Variants in POU6F2 observed in about 807,000 individuals in gnomAD.
POU6F2 encodes the protein POU domain, class 6, transcription factor 2.
POU6F2 carries 31 observed loss-of-function variants against 71.3 expected under a neutral mutation model. The observed-to-expected ratio is 0.43, with a 90% confidence interval of 0.33 to 0.59. The LOEUF is 0.59. Ranked by LOEUF, POU6F2 falls within the 20% of genes least tolerant of loss-of-function variation. The pLI is 0.04. For missense variants in POU6F2, 783 were observed against 856.8 expected, an observed-to-expected ratio of 0.91 and a Z score of 1.07; for synonymous variants, 347 against 355.7, an observed-to-expected ratio of 0.98 and a Z score of 0.27.
intron 4 of POU6F2, among the ~76,000 whole-genome samples, chr7:39,240,680 A>G (rs956401140): frequency 6.6e-6 from 1 of 152,172 alleles, no homozygotes; most frequent in Non-Finnish European, 1.5e-5. Context: ...CAAAGTAGGT[A>G]CTAAAAAAGT....
chr7:38,989,467 T>A (rs1253413955), intron 1 of POU6F2, among the ~76,000 whole-genome samples: 1 of 152,030 alleles, frequency 6.6e-6, no homozygotes, highest in Non-Finnish European at 1.5e-5. Flanking sequence ...ATAAGTGACA[T>A]AATAGAATAG....
chr7:39,101,843 G>A (rs138524960), intron 2 of POU6F2, among the ~76,000 whole-genome samples: 11 of 152,030 alleles, frequency 7.2e-5, no homozygotes, highest in Admixed American at 5.2e-4. Context: ...AAATATATAT[G>A]GTTATTATTA....
At chr7:39,458,471 G>A (rs532581895) in intron 8 of POU6F2, among the ~76,000 whole-genome samples, 4 of 151,968 alleles carry the variant, frequency 2.6e-5, no homozygotes, top group African/African-American at 7.2e-5. Flanking sequence ...TTTCTTTCAC[G>A]GGGAAAGGAA....
intron 8 of POU6F2, among the ~76,000 whole-genome samples, chr7:39,454,836 T>C (rs1355715634): frequency 6.7e-6 from 1 of 150,352 alleles, no homozygotes; most frequent in East Asian, 2.0e-4. Flanking sequence ...CATCCTAGTG[T>C]TGGCTAACCT....
intron 2 of POU6F2, 97 bp downstream of exon 2, chr7:39,086,128 G>C: frequency 2.5e-6 from 3 of 1,222,874 alleles, no homozygotes; most frequent in Non-Finnish European, 3.2e-6. Flanking sequence ...TGTTCATTCA[G>C]TTTTCCCGTA....
chr7:39,269,776 G>T (rs530196907), intron 4 of POU6F2, among the ~76,000 whole-genome samples: 254 of 152,224 alleles, frequency 1.7e-3, no homozygotes, highest in African/African-American at 5.8e-3. Flanking sequence ...CCTCTTTTGT[G>T]TATTGCTTGC....
intron 1 of POU6F2, among the ~76,000 whole-genome samples, chr7:39,050,821 G>A (rs1386763064): frequency 1.3e-5 from 2 of 152,108 alleles, no homozygotes; most frequent in African/African-American, 4.8e-5. Flanking sequence ...AAATGCCATG[G>A]ATTTCCACAG....
At chr7:39,280,955 G>T (rs1045290355) in intron 4 of POU6F2, among the ~76,000 whole-genome samples, 4 of 152,154 alleles carry the variant, frequency 2.6e-5, no homozygotes, top group Non-Finnish European at 1.5e-5. Context: ...GAGCACCCTC[G>T]TGCAAAATCT....
At chr7:39,138,765 C>T (rs1376450489) in intron 2 of POU6F2, among the ~76,000 whole-genome samples, 2 of 152,136 alleles carry the variant, frequency 1.3e-5, no homozygotes, top group Non-Finnish European at 2.9e-5. Flanking sequence ...CCCAAACCAC[C>T]CCTGCCCCCC....
rs1791231746 is a variant in POU6F2 at position 39,085,885 on chromosome 7, G to A, written c.131G>A (p.Ser44Asn). The A allele has an allele frequency of 3.7e-6, 6 of 1,613,446 alleles. No individual in the cohort carries two copies. The South Asian group carries it at 5.5e-5, about 15-fold the overall frequency. ...GQDPMIAGQVSKPLLSVRSEM... is the reference protein window; with the variant it reads ...GQDPMIAGQVNKPLLSVRSEM... The stretch of plus-strand genomic sequence containing the variant: ...GATCCAATGATAGCTGGACAAGTCA[G>A]TAAGCCCTTGCTGTCAGTGCGGAGT... The change falls in exon 2 of 10, where the codon AGT becomes AAT. Residue 44 changes from serine to asparagine, a missense_variant. Coordinates refer to ENST00000518318, the MANE Select transcript of POU6F2 (RefSeq NM_001370959.1).
chr7:39,241,531 G>A (rs1220710495), intron 4 of POU6F2, among the ~76,000 whole-genome samples: 1 of 152,130 alleles, frequency 6.6e-6, no homozygotes, highest in Non-Finnish European at 1.5e-5. Flanking sequence ...TGAAGAGCTG[G>A]TGAAGGCATT....
intron 2 of POU6F2, among the ~76,000 whole-genome samples, chr7:39,112,335 G>A (rs147397335): frequency 6.6e-6 from 1 of 152,258 alleles, no homozygotes; most frequent in Admixed American, 6.5e-5. Context: ...ACAAAGAAGT[G>A]CTCGCTATAA....
At chr7:39,083,035 T>C (rs1206548643) in intron 1 of POU6F2, among the ~76,000 whole-genome samples, 1 of 152,138 alleles carries the variant, frequency 6.6e-6, no homozygotes. Context: ...AGTGAACATA[T>C]ACCATCTGCC....
intron 4 of POU6F2, among the ~76,000 whole-genome samples, chr7:39,263,774 C>T (rs1280858145): frequency 6.6e-6 from 1 of 152,158 alleles, no homozygotes; most frequent in Non-Finnish European, 1.5e-5. Context: ...TGTCTATTTT[C>T]CCCCAGCCCC....
intron 1 of POU6F2, chr7:39,002,130 A>C (rs1248310157): frequency 6.6e-6 from 1 of 152,208 alleles, no homozygotes; most frequent in East Asian, 1.9e-4. Context: ...CTTTGGCTTT[A>C]AACAATTTAC....
intron 4 of POU6F2, among the ~76,000 whole-genome samples, chr7:39,243,024 G>A (rs557677114): frequency 9.2e-5 from 14 of 152,108 alleles, no homozygotes; most frequent in African/African-American, 3.1e-4. Flanking sequence ...CTCCATTAAT[G>A]TTTGTTGAAT....
intron 7 of POU6F2, among the ~76,000 whole-genome samples, chr7:39,445,930 G>T (rs886780293): frequency 5.9e-5 from 9 of 152,182 alleles, no homozygotes; most frequent in African/African-American, 2.2e-4. Context: ...ACCCACAGTA[G>T]CAGCATCACC....
chr7:39,003,054 A>G (rs553141998), intron 1 of POU6F2, among the ~76,000 whole-genome samples: 4 of 152,362 alleles, frequency 2.6e-5, no homozygotes, highest in South Asian at 4.1e-4. Flanking sequence ...CTTTAATGAC[A>G]TGGAAAGAAT....
chr7:39,006,714 T>G, intron 1 of POU6F2: 1 of 854,556 alleles, frequency 1.2e-6, no homozygotes, highest in Admixed American at 1.9e-5. Context: ...GAGTTTTCTT[T>G]GCAATGTCAT....
Sources: gnomAD v4.1 joint callset for allele counts (sites outside exome capture counted in the v4.1 genomes callset) on GRCh38, gnomAD v4.1.1 for gene constraint, MANE v1.5 for transcripts, NCBI Gene and HGNC (gene_info 2026-07-23, HGNC 2026-07-21) for gene names.